The following CAMK1D variants were observed in gnomAD, a reference collection of about 807,000 sequenced individuals.
The protein encoded by CAMK1D is calcium/calmodulin dependent protein kinase ID.
CAMK1D carries 9 observed loss-of-function variants against 47.7 expected under a neutral mutation model. That is an observed-to-expected ratio of 0.19 (90% CI 0.11 to 0.33). The LOEUF (loss-of-function observed/expected upper bound fraction) is 0.33, where lower values mean the gene tolerates loss of function less well. Among genes scored for constraint, CAMK1D ranks in the 10% least tolerant of loss-of-function variants. The pLI is 1.00. For synonymous variants in CAMK1D, 184 were observed against 184.9 expected (o/e 0.99, Z 0.04); for missense variants, 291 against 488.7 (o/e 0.60, Z 3.81).
At chr10:12,810,168 A>AAAAAAAAG (rs1303867506) in intron 6 of CAMK1D, among the ~76,000 whole-genome samples, 13 of 148,582 alleles carry the variant, frequency 8.7e-5, no homozygotes, top group Non-Finnish European at 1.8e-4. Context: ...AAAAAAAAAA[A>AAAAAAAAG]GGCGTTAGGA....
intron 3 of CAMK1D, among the ~76,000 whole-genome samples, chr10:12,689,591 A>G (rs193094830): frequency 6.1e-4 from 93 of 152,260 alleles, no homozygotes; most frequent in Middle Eastern, 6.8e-3. Context: ...AGCCTGACCA[A>G]CGTGGTGAAA....
chr10:12,505,680 C>T lies in CAMK1D; in HGVS notation c.93-47545C>T, dbSNP rs528485462. On this transcript the variant is annotated intron_variant, in intron 1 of 10. Coordinates refer to ENST00000619168, the MANE Select transcript of CAMK1D (RefSeq NM_153498.4). ...TATTGAAAGCAAATGGTCCAGCACT[C>T]GAATCTGTTTTCTGAGAATTTAATT... 2.5e-4 allele frequency among the ~76,000 whole-genome samples: 38 copies of T among 152,328 alleles called. No individual in the cohort carries two copies. The South Asian group carries it at 6.4e-3, about 26-fold the overall frequency.
chr10:12,618,633 CA>C (rs1838896771), intron 2 of CAMK1D, among the ~76,000 whole-genome samples: 2 of 151,894 alleles, frequency 1.3e-5, no homozygotes, highest in Admixed American at 6.6e-5. Flanking sequence ...TAAGCATTGC[CA>C]GAGTATTTTA....
chr10:12,687,625 G>A (rs1832714534), intron 3 of CAMK1D, among the ~76,000 whole-genome samples: 1 of 152,206 alleles, frequency 6.6e-6, no homozygotes, highest in African/African-American at 2.4e-5. Flanking sequence ...GTACAGCTCA[G>A]AAGTGTCCAA....
intron 6 of CAMK1D, among the ~76,000 whole-genome samples, chr10:12,805,774 G>A (rs1838701786): frequency 6.6e-6 from 1 of 152,214 alleles, no homozygotes; most frequent in African/African-American, 2.4e-5. Context: ...GGTTGGGGTG[G>A]CAGTCCTTGA....
At chr10:12,642,536 A>G (rs554666188) in intron 2 of CAMK1D, among the ~76,000 whole-genome samples, 6 of 152,088 alleles carry the variant, frequency 3.9e-5, no homozygotes, top group Non-Finnish European at 7.4e-5. Flanking sequence ...GTCAGAGCAT[A>G]CTCTTTCCAA....
intron 2 of CAMK1D, among the ~76,000 whole-genome samples, chr10:12,597,268 T>C (rs144784259): frequency 1.4e-3 from 217 of 152,278 alleles, no homozygotes; most frequent in African/African-American, 4.9e-3. Context: ...CCCTCCATGA[T>C]TGGGGAAGCA....
chr10:12,606,679 C>T (rs937268776), intron 2 of CAMK1D, among the ~76,000 whole-genome samples: 1 of 152,194 alleles, frequency 6.6e-6, no homozygotes, highest in Non-Finnish European at 1.5e-5. Flanking sequence ...CCTGTGGCGT[C>T]TCGGGCACCA....
At chr10:12,393,943 C>T (rs1838842663) in intron 1 of CAMK1D, among the ~76,000 whole-genome samples, 1 of 152,220 alleles carries the variant, frequency 6.6e-6, no homozygotes, top group Admixed American at 6.5e-5. Flanking sequence ...ACCTGTGACA[C>T]TGACTATGTG....
At chr10:12,806,951 C>A (rs1588951723) in intron 6 of CAMK1D, among the ~76,000 whole-genome samples, 3 of 152,308 alleles carry the variant, frequency 2.0e-5, no homozygotes, top group Admixed American at 6.5e-5. Flanking sequence ...TGTTTGAAAT[C>A]GCTGCTGGCC....
intron 1 of CAMK1D, among the ~76,000 whole-genome samples, chr10:12,490,857 A>G (rs1395738021): frequency 6.6e-6 from 1 of 152,204 alleles, no homozygotes; most frequent in Non-Finnish European, 1.5e-5. Flanking sequence ...TATCCTAAAT[A>G]CGCTGATTTG....
rs574810429 is a variant in CAMK1D at position 12,826,182 on chromosome 10, A to C, written c.1039+492A>C. The C allele has an allele frequency of 2.6e-5, 4 of 156,128 alleles. 1 individual carries two copies. 9.7% of individuals were successfully genotyped at this position (156,128 alleles called of 1,614,324 possible). A position where few individuals can be genotyped will look rare whatever the true frequency, so the allele number is the denominator to read the frequency against. On this transcript the variant is annotated intron_variant, in intron 10 of 10. Transcript: ENST00000619168. ...ATTGAACACTCGTGGAACCCTAGGT[A>C]TTGCTATTTCCATTTACAGTTGAGG...
At chr10:12,483,311 CCACTT>C (rs1168714650) in intron 1 of CAMK1D, among the ~76,000 whole-genome samples, 1 of 152,010 alleles carries the variant, frequency 6.6e-6, no homozygotes, top group Non-Finnish European at 1.5e-5. Context: ...AAGCAGTCCT[CCACTT>C]CAGCCTCCCA....
At chr10:12,650,941 C>G (rs1839943176) in intron 2 of CAMK1D, among the ~76,000 whole-genome samples, 2 of 152,202 alleles carry the variant, frequency 1.3e-5, no homozygotes, top group Non-Finnish European at 1.5e-5. Flanking sequence ...ACCTGCCAGT[C>G]TTCCTCCCCC....
In CAMK1D at chr10:12,352,625, A is replaced by G. The variant is rs1049955228; in HGVS notation, c.92+2715A>G. On this transcript the variant is annotated intron_variant, in intron 1 of 10. Coordinates refer to ENST00000619168, the MANE Select transcript of CAMK1D (RefSeq NM_153498.4). ...CTCGGTCTCAAAAAAATAAAATAAA[A>G]TAAATGAGAAAACATAATGATGGCA... 2.0e-5 allele frequency among the ~76,000 whole-genome samples: 3 copies of G among 151,928 alleles called. No homozygotes were observed. The East Asian group carries it at 5.8e-4, about 29-fold the overall frequency.
chr10:12,452,813 C>T (rs1362531397), intron 1 of CAMK1D, among the ~76,000 whole-genome samples: 1 of 151,928 alleles, frequency 6.6e-6, no homozygotes, highest in Admixed American at 6.6e-5. Flanking sequence ...CTTGAACTCC[C>T]GCCTTGGCCT....
At chr10:12,530,599 A>C (rs142567601) in intron 1 of CAMK1D, among the ~76,000 whole-genome samples, 1 of 152,308 alleles carries the variant, frequency 6.6e-6, no homozygotes, top group East Asian at 1.9e-4. Flanking sequence ...GTTTTGTGGG[A>C]TCTTGGAGAA....
chr10:12,633,407 G>T (rs1839432238), intron 2 of CAMK1D, among the ~76,000 whole-genome samples: 1 of 152,188 alleles, frequency 6.6e-6, no homozygotes, highest in Non-Finnish European at 1.5e-5. Context: ...CTCCATGGAA[G>T]ATTGACCTGG....
At chr10:12,758,616 A>G (rs2130898128) in intron 3 of CAMK1D, among the ~76,000 whole-genome samples, 1 of 152,378 alleles carries the variant, frequency 6.6e-6, no homozygotes, top group Middle Eastern at 3.4e-3. Flanking sequence ...GCTGTAAGAC[A>G]GAAAATATTT....
Sources: gnomAD v4.1 joint callset for allele counts (sites outside exome capture counted in the v4.1 genomes callset) on GRCh38, gnomAD v4.1.1 for gene constraint, MANE v1.5 for transcripts, NCBI Gene and HGNC (gene_info 2026-07-23, HGNC 2026-07-21) for gene names.